The following DCLK2 variants were observed in gnomAD, a reference collection of about 807,000 sequenced individuals.
DCLK2 encodes doublecortin like kinase 2, also known as serine/threonine-protein kinase DCLK2.
DCLK2 carries 31 observed loss-of-function variants against 78.4 expected under a neutral mutation model. The observed-to-expected ratio is 0.40, with a 90% CI of 0.30 to 0.53. DCLK2 has a LOEUF of 0.53. DCLK2 is among the 20% of genes least tolerant of loss of function. The pLI, the probability that DCLK2 is intolerant of heterozygous loss-of-function variation, is 0.61. For missense variants in DCLK2, 872 were observed against 973.7 expected, an observed-to-expected ratio of 0.90 and a Z score of 1.39; for synonymous variants, 407 against 374.9, an observed-to-expected ratio of 1.09 and a Z score of -0.99.
At chr4:150,242,159 A>C (rs902864052) in intron 12 of DCLK2, among the ~76,000 whole-genome samples, 2 of 152,234 alleles carry the variant, frequency 1.3e-5, no homozygotes, top group African/African-American at 4.8e-5. Context: ...CATAAGACTG[A>C]CAGATGTTAG....
chr4:150,190,941 C>T (rs1221054417), intron 2 of DCLK2, among the ~76,000 whole-genome samples: 1 of 152,070 alleles, frequency 6.6e-6, no homozygotes, highest in Non-Finnish European at 1.5e-5. Flanking sequence ...ACTTACCTAC[C>T]TACCTACCTA....
In DCLK2 at chr4:150,156,129, G is replaced by A. The variant is rs551962540; in HGVS notation, c.757-37009G>A. 1.6e-4 allele frequency among the ~76,000 whole-genome samples: 25 copies of A among 152,222 alleles called. No homozygotes were observed. The South Asian group carries it at 2.3e-3, about 14-fold the overall frequency. The stretch of plus-strand genomic sequence containing the variant: ...CCCGTTGGACTTGACCTAAGTGGAG[G>A]TTGCTGGTGATTAGGAACCTCTGCG... On this transcript the variant is annotated intron_variant, in intron 2 of 15. Transcript: ENST00000296550.
At chr4:150,168,066 A>G (rs892354617) in intron 2 of DCLK2, among the ~76,000 whole-genome samples, 19 of 152,320 alleles carry the variant, frequency 1.2e-4, no homozygotes, top group Admixed American at 8.5e-4. Context: ...AAGTCAGGCC[A>G]GGTGCGGTGG....
In DCLK2 at chr4:150,175,012, ATAT is replaced by A. The variant is rs1479931073; in HGVS notation, c.757-18125_757-18123del. On this transcript the variant is annotated intron_variant, in intron 2 of 15. Coordinates refer to ENST00000296550, the MANE Select transcript of DCLK2 (RefSeq NM_001040260.4). The stretch of plus-strand genomic sequence containing the variant: ...GACTCCGTCGCAAAAAAAAAAAAAA[ATAT>A]ATATATATATATATATATTTATATA... Among the ~76,000 whole-genome samples, 29 of 5,936 alleles carry A rather than the reference ATAT, an allele frequency of 4.9e-3. 11 individuals are homozygous for A. The highest frequency in any genetic ancestry group is 0.017 in the Non-Finnish European group (23 of 1,372). The allele number at this position is 5,936 out of a possible 152,430, so 3.9% of individuals were successfully genotyped here.
chr4:150,091,894 T>G lies in DCLK2; in HGVS notation c.422-10584T>G, dbSNP rs78926231. On this transcript the variant is annotated intron_variant, in intron 1 of 15. Transcript: ENST00000296550. ...TAGTATTAACTAATAGGCACAGTGT[T>G]GTACAGCCGATCTCCAGAACTTTCT... Among the ~76,000 whole-genome samples, 944 of 152,154 alleles carry G rather than the reference T, an allele frequency of 6.2e-3. 4 individuals carry two copies. Among genetic ancestry groups the G allele is most frequent in the Middle Eastern group, 0.014 (4 of 292 alleles).
intron 1 of DCLK2, among the ~76,000 whole-genome samples, chr4:150,098,111 CG>C (rs1730595073): frequency 6.6e-6 from 1 of 151,958 alleles, no homozygotes; most frequent in African/African-American, 2.4e-5. Context: ...TCTAAGGAAA[CG>C]GGGGCTCACT....
intron 2 of DCLK2, among the ~76,000 whole-genome samples, chr4:150,158,202 C>A (rs1456166215): frequency 6.6e-6 from 1 of 152,128 alleles, no homozygotes; most frequent in Admixed American, 6.5e-5. Flanking sequence ...ATGACTTTTC[C>A]TCTATGCATG....
At chr4:150,136,884 T>C (rs1046022945) in intron 2 of DCLK2, among the ~76,000 whole-genome samples, 1 of 152,112 alleles carries the variant, frequency 6.6e-6, no homozygotes, top group African/African-American at 2.4e-5. Context: ...GCTGCTGGTG[T>C]TGTGAAGTTG....
At chr4:150,211,702 C>A (rs1444260766) in intron 5 of DCLK2, among the ~76,000 whole-genome samples, 1 of 152,046 alleles carries the variant, frequency 6.6e-6, no homozygotes, top group Non-Finnish European at 1.5e-5. Context: ...TGCTGACTCC[C>A]TACTCATTCT....
chr4:150,123,574 G>A (rs1027260917), intron 2 of DCLK2, among the ~76,000 whole-genome samples: 5 of 152,158 alleles, frequency 3.3e-5, no homozygotes, highest in African/African-American at 7.2e-5. Context: ...TATGACAGAC[G>A]TGAAGCGAGC....
intron 10 of DCLK2, among the ~76,000 whole-genome samples, chr4:150,236,298 G>T (rs898464995): frequency 1.3e-5 from 2 of 152,140 alleles, no homozygotes; most frequent in African/African-American, 4.8e-5. Context: ...CAGGGTTCTG[G>T]CAGGCCTTTC....
At chr4:150,161,294 A>ACTAACCTCTAT (rs1735691257) in intron 2 of DCLK2, among the ~76,000 whole-genome samples, 4 of 152,210 alleles carry the variant, frequency 2.6e-5, no homozygotes, top group Non-Finnish European at 5.9e-5. Flanking sequence ...TGCAGTTTCA[A>ACTAACCTCTAT]CTAACCTCTA....
In DCLK2 at chr4:150,232,663, T is replaced by A. The variant is rs754859517; in HGVS notation, c.1420-19T>A. The stretch of plus-strand genomic sequence containing the variant: ...TTGCACTGTTGATGCTTTGATATGT[T>A]CTTTTATGTATCGTTTAGGGTGGAG... On this transcript the variant is annotated intron_variant, in intron 9 of 15. Coordinates refer to ENST00000296550, the MANE Select transcript of DCLK2 (RefSeq NM_001040260.4). 1 of 1,612,652 alleles carries A rather than the reference T, an allele frequency of 6.2e-7. No homozygotes were observed. The highest frequency in any genetic ancestry group is 1.1e-5 in the South Asian group (1 of 90,936).
intron 2 of DCLK2, among the ~76,000 whole-genome samples, chr4:150,105,866 A>G (rs972175851): frequency 4.6e-5 from 7 of 152,084 alleles, no homozygotes; most frequent in African/African-American, 1.5e-4. Context: ...AAGTAGCAGC[A>G]GAAGTATTTT....
At chr4:150,117,600 C>A (rs1008396433) in intron 2 of DCLK2, among the ~76,000 whole-genome samples, 10 of 152,168 alleles carry the variant, frequency 6.6e-5, no homozygotes, top group Non-Finnish European at 1.2e-4. Context: ...TCTGCAAGGT[C>A]CCCTGTGAGG....
intron 1 of DCLK2, among the ~76,000 whole-genome samples, chr4:150,101,398 A>G (rs1469105847): frequency 1.3e-5 from 2 of 152,192 alleles, no homozygotes; most frequent in Non-Finnish European, 1.5e-5. Context: ...TAATATGGAT[A>G]TTAATAGGTT....
chr4:150,106,961 G>A (rs1731303508), intron 2 of DCLK2, among the ~76,000 whole-genome samples: 1 of 152,178 alleles, frequency 6.6e-6, no homozygotes, highest in African/African-American at 2.4e-5. Flanking sequence ...TTTCTTTAGT[G>A]TAGAGCAGTG....
At chr4:150,161,105 A>G (rs754926238) in intron 2 of DCLK2, among the ~76,000 whole-genome samples, 2 of 152,238 alleles carry the variant, frequency 1.3e-5, no homozygotes, top group Non-Finnish European at 1.5e-5. Flanking sequence ...ATGAACTTTA[A>G]AGTATATAGA....
At chr4:150,246,273 C>G (rs113057373) in intron 12 of DCLK2, among the ~76,000 whole-genome samples, 4,064 of 152,246 alleles carry the variant, frequency 0.027, 127 homozygotes, top group Non-Finnish European at 0.035. Context: ...TCTTGAACTC[C>G]TGACCTCAGG....
Sources: allele counts gnomAD v4.1 joint callset (sites outside exome capture counted in the v4.1 genomes callset), GRCh38; gene constraint gnomAD v4.1.1; transcripts MANE v1.5; gene names NCBI Gene and HGNC (gene_info 2026-07-23, HGNC 2026-07-21).